The following ABTB3 variants were observed in gnomAD, a reference collection of about 807,000 sequenced individuals.
ABTB3 encodes ankyrin repeat- and BTB/POZ domain-containing protein 3.
the ABTB3 span, chr12:107,659,030 G>A: frequency 3.9e-5 from 6 of 152,454 alleles, no homozygotes; most frequent in East Asian, 3.9e-4. Context: ...TTTCAGTTGC[G>A]GCCTTTCTTC....
the ABTB3 span, among the ~76,000 whole-genome samples, chr12:107,561,538 C>T: frequency 6.6e-6 from 1 of 152,264 alleles, no homozygotes; most frequent in Admixed American, 6.5e-5. Context: ...GTCAAACAGA[C>T]TTTATGCAAT....
At chr12:107,588,757 C>T in the ABTB3 span, among the ~76,000 whole-genome samples, 1 of 152,180 alleles carries the variant, frequency 6.6e-6, no homozygotes, top group African/African-American at 2.4e-5. Flanking sequence ...CTGACCTCAG[C>T]TAATCCACAC....
the ABTB3 span, among the ~76,000 whole-genome samples, chr12:107,492,273 A>C: frequency 1.3e-5 from 2 of 152,056 alleles, no homozygotes; most frequent in South Asian, 4.2e-4. Context: ...CACTGACTGG[A>C]ACCCCCTAAT....
the ABTB3 span, chr12:107,657,798 C>T: frequency 2.1e-6 from 3 of 1,459,068 alleles, no homozygotes; most frequent in African/African-American, 2.8e-5. Flanking sequence ...CAGACAAATT[C>T]CACCTGGCAC....
chr12:107,431,556 C>T, the ABTB3 span, among the ~76,000 whole-genome samples: 1 of 152,158 alleles, frequency 6.6e-6, no homozygotes, highest in Admixed American at 6.5e-5. Flanking sequence ...TTGCAGTGAG[C>T]CGAGATTGCA....
chr12:107,320,151 C>A, the ABTB3 span: 1 of 1,353,106 alleles, frequency 7.4e-7, no homozygotes, highest in Non-Finnish European at 9.6e-7. Flanking sequence ...TCGCGTCCCC[C>A]TCCCGCGTCT....
chr12:107,372,596 C>T, the ABTB3 span, among the ~76,000 whole-genome samples: 12 of 152,150 alleles, frequency 7.9e-5, no homozygotes, highest in African/African-American at 9.7e-5. Flanking sequence ...TACAACCATT[C>T]GCCTCTGTGC....
At chr12:107,326,376 G>A in the ABTB3 span, among the ~76,000 whole-genome samples, 83,414 of 152,080 alleles carry the variant, frequency 0.55, 23,344 homozygotes, top group East Asian at 0.72. Context: ...TATCTTCTAC[G>A]TGTGGCCTTC....
chr12:107,480,575 G>C, the ABTB3 span, among the ~76,000 whole-genome samples: 7 of 152,156 alleles, frequency 4.6e-5, no homozygotes, highest in African/African-American at 1.7e-4. Context: ...TATTCATTCT[G>C]CTATACCAAG....
chr12:107,574,002 T>A, the ABTB3 span, among the ~76,000 whole-genome samples: 7,501 of 152,232 alleles, frequency 0.049, 593 homozygotes, highest in African/African-American at 0.17. Flanking sequence ...AGTGTTTATA[T>A]TCCCAGGATG....
the ABTB3 span, among the ~76,000 whole-genome samples, chr12:107,346,140 G>A: frequency 6.6e-6 from 1 of 152,214 alleles, no homozygotes; most frequent in Non-Finnish European, 1.5e-5. Flanking sequence ...CTGCACACTG[G>A]AAGGAATCTG....
chr12:107,470,239 A>G, the ABTB3 span, among the ~76,000 whole-genome samples: 1 of 151,834 alleles, frequency 6.6e-6, no homozygotes, highest in African/African-American at 2.4e-5. Flanking sequence ...GAGTTTCAGC[A>G]CATTGGCCAG....
chr12:107,465,012 A>G, the ABTB3 span, among the ~76,000 whole-genome samples: 9 of 151,982 alleles, frequency 5.9e-5, no homozygotes, highest in Non-Finnish European at 1.0e-4. Flanking sequence ...CACACCAACC[A>G]TGCTTAGGTT....
chr12:107,422,296 C>T, the ABTB3 span, among the ~76,000 whole-genome samples: 3 of 151,974 alleles, frequency 2.0e-5, no homozygotes, highest in Non-Finnish European at 4.4e-5. Flanking sequence ...GAAGATGGGT[C>T]AGAGAGGGAG....
chr12:107,409,320 G>C, the ABTB3 span, among the ~76,000 whole-genome samples: 1 of 152,192 alleles, frequency 6.6e-6, no homozygotes, highest in Non-Finnish European at 1.5e-5. Context: ...AAATAGGAAC[G>C]CTTTTACACT....
At chr12:107,397,041 G>A in the ABTB3 span, among the ~76,000 whole-genome samples, 2 of 152,184 alleles carry the variant, frequency 1.3e-5, no homozygotes, top group Admixed American at 6.5e-5. Flanking sequence ...CACTACGTGC[G>A]CTTGTATCAA....
chr12:107,514,534 GGCCAC>G, the ABTB3 span, among the ~76,000 whole-genome samples: 1 of 152,068 alleles, frequency 6.6e-6, no homozygotes, highest in Non-Finnish European at 1.5e-5. Context: ...TTCATCACCA[GGCCAC>G]GGCTGCCCTT....
At chr12:107,368,006 A>G in the ABTB3 span, among the ~76,000 whole-genome samples, 2 of 152,168 alleles carry the variant, frequency 1.3e-5, no homozygotes, top group Admixed American at 6.5e-5. Context: ...ATTTTCACCT[A>G]TGTTCTCAAT....
At chr12:107,449,145 T>C in the ABTB3 span, among the ~76,000 whole-genome samples, 22 of 152,092 alleles carry the variant, frequency 1.4e-4, no homozygotes, top group Non-Finnish European at 3.1e-4. Context: ...ACTTGTAAAA[T>C]TGCAGCACTG....
Sources: gnomAD v4.1 joint callset for allele counts (sites outside exome capture counted in the v4.1 genomes callset) on GRCh38, gnomAD v4.1.1 for gene constraint, MANE v1.5 for transcripts, NCBI Gene and HGNC (gene_info 2026-07-23, HGNC 2026-07-21) for gene names.